Variants in SNX29 observed in about 807,000 individuals in gnomAD.
SNX29 encodes sorting nexin-29.
SNX29 carries 78 observed loss-of-function variants against 102.1 expected under a neutral mutation model. The observed-to-expected ratio is 0.76, with a 90% confidence interval of 0.64 to 0.92. The LOEUF (loss-of-function observed/expected upper bound fraction) is 0.92, where lower values mean the gene tolerates loss of function less well. SNX29 is among the 40% of genes least tolerant of loss of function. SNX29 has a pLI of 0.00. For synonymous variants in SNX29, 580 were observed against 414.5 expected, an observed-to-expected ratio of 1.40 and a Z score of -4.85; for missense variants, 1,280 against 1,061.7, an observed-to-expected ratio of 1.21 and a Z score of -2.86.
chr16:12,516,923 G>T (rs2089891888), intron 19 of SNX29, among the ~76,000 whole-genome samples: 2 of 152,286 alleles, frequency 1.3e-5, no homozygotes, highest in Non-Finnish European at 2.9e-5. Context: ...GCATTCCATC[G>T]TTTTAAAAAT....
At chr16:12,281,148 C>T (rs1376440134) in intron 15 of SNX29, among the ~76,000 whole-genome samples, 1 of 152,186 alleles carries the variant, frequency 6.6e-6, no homozygotes, top group Non-Finnish European at 1.5e-5. Flanking sequence ...TTGTGACCTC[C>T]AACAATACTC....
At chr16:12,027,904 A>G (rs899716032) in intron 4 of SNX29, among the ~76,000 whole-genome samples, 1 of 152,222 alleles carries the variant, frequency 6.6e-6, no homozygotes, top group African/African-American at 2.4e-5. Context: ...CTAAATAATA[A>G]CTATTAATGC....
chr16:12,047,918 A>T (rs1315787902), intron 6 of SNX29, among the ~76,000 whole-genome samples: 3 of 151,894 alleles, frequency 2.0e-5, no homozygotes, highest in Admixed American at 2.0e-4. Flanking sequence ...CAGCCTTCCA[A>T]AGTGCCGGGA....
In SNX29 at chr16:12,078,910, C is replaced by T. The variant is rs1057211201; in HGVS notation, c.1397C>T (p.Thr466Ile). 1.2e-6 allele frequency: 2 copies of T among 1,601,510 alleles called. No homozygotes were observed. The highest frequency in any genetic ancestry group is 1.7e-6 in the Non-Finnish European group (2 of 1,174,166). Residue 466 changes from threonine to isoleucine, a missense_variant, in exon 11 of 21, where the codon ACA becomes ATA. By Grantham distance (89) the Thr-to-Ile change is moderately conservative. Coordinates refer to ENST00000566228, the MANE Select transcript of SNX29 (RefSeq NM_032167.5). ...TCTGCCTCAGTGCCAGAGTCCATGA[C>T]AATTAGTAAGTACTTTCGCAGCCCC... ...LPSASVPESM[T>I]ISELRQATVA...
rs566397238 is a variant in SNX29, at chr16:12,361,952, G to A, written c.1899+5673G>A. Among the ~76,000 whole-genome samples, 13 of 152,064 alleles carry A rather than the reference G, an allele frequency of 8.5e-5. No homozygotes were observed. The East Asian group carries it at 1.7e-3, about 20-fold the overall frequency. On this transcript the variant is annotated intron_variant, in intron 16 of 20. Transcript: ENST00000566228. ...ATGCCTCAGTACACCGCTTTATTGC[G>A]CCTATACATGTTAATAACGAGCACA... is the stretch of plus-strand genomic sequence containing the variant.
At chr16:12,447,571 C>T (rs1252172888) in intron 18 of SNX29, among the ~76,000 whole-genome samples, 5 of 152,210 alleles carry the variant, frequency 3.3e-5, no homozygotes, top group Non-Finnish European at 5.9e-5. Context: ...AAACCAGCAG[C>T]CTGTTCTCCT....
intron 18 of SNX29, among the ~76,000 whole-genome samples, chr16:12,433,740 C>G (rs958291990): frequency 2.6e-5 from 4 of 151,982 alleles, no homozygotes; most frequent in African/African-American, 4.8e-5. Context: ...ACAAGTATCG[C>G]TTGAACCTGG....
chr16:12,240,466 G>C (rs970212690), intron 14 of SNX29, among the ~76,000 whole-genome samples: 3 of 150,180 alleles, frequency 2.0e-5, no homozygotes, highest in Admixed American at 2.0e-4. Flanking sequence ...TTTGCTGTCA[G>C]TTTTTTAGTA....
intron 15 of SNX29, among the ~76,000 whole-genome samples, chr16:12,341,076 GTGTC>G (rs1485156734): frequency 6.6e-6 from 1 of 152,242 alleles, no homozygotes; most frequent in African/African-American, 2.4e-5. Context: ...ACCAAGAAGA[GTGTC>G]TGGCCTGTGG....
chr16:12,322,259 C>G (rs1169066897), intron 15 of SNX29, among the ~76,000 whole-genome samples: 1 of 152,102 alleles, frequency 6.6e-6, no homozygotes, highest in East Asian at 1.9e-4. Flanking sequence ...ATCCTGTGTT[C>G]CACGCTGGAG....
chr16:12,059,644 G>C (rs1031998752), intron 8 of SNX29, among the ~76,000 whole-genome samples: 1 of 152,208 alleles, frequency 6.6e-6, no homozygotes, highest in African/African-American at 2.4e-5. Flanking sequence ...ATCCCTGCCT[G>C]CGGACCAAAC....
chr16:12,540,820 G>C (rs545384382), intron 20 of SNX29, among the ~76,000 whole-genome samples: 2 of 152,134 alleles, frequency 1.3e-5, no homozygotes, highest in Admixed American at 1.3e-4. Flanking sequence ...TGAGAGAAGG[G>C]GCAAAAAGAA....
At chr16:12,063,271 G>A (rs926096139) in intron 9 of SNX29, among the ~76,000 whole-genome samples, 1 of 151,886 alleles carries the variant, frequency 6.6e-6, no homozygotes, top group Admixed American at 6.6e-5. Flanking sequence ...CATGGAGGGG[G>A]CTTTCCTGAC....
chr16:12,359,663 A>G (rs1487938769), intron 16 of SNX29, among the ~76,000 whole-genome samples: 1 of 152,212 alleles, frequency 6.6e-6, no homozygotes, highest in Non-Finnish European at 1.5e-5. Flanking sequence ...CTCAGTAATA[A>G]TCAACTCAAG....
chr16:12,533,619 C>G (rs1409712497), intron 20 of SNX29, among the ~76,000 whole-genome samples: 3 of 152,204 alleles, frequency 2.0e-5, no homozygotes, highest in Non-Finnish European at 4.4e-5. Context: ...GCTACCTGGA[C>G]TGACACCCCA....
intron 4 of SNX29, among the ~76,000 whole-genome samples, chr16:12,041,219 C>G (rs995933693): frequency 5.9e-5 from 9 of 152,148 alleles, no homozygotes; most frequent in African/African-American, 2.2e-4. Context: ...TCAAATGATT[C>G]TCCTGCCTCA....
At chr16:12,142,667 C>T (rs755405313) in intron 13 of SNX29, among the ~76,000 whole-genome samples, 11 of 151,812 alleles carry the variant, frequency 7.2e-5, no homozygotes, top group Non-Finnish European at 1.5e-4. Flanking sequence ...CGGGTTCAAG[C>T]GATTCTCCTG....
chr16:12,501,384 A>T (rs892856465), intron 19 of SNX29, among the ~76,000 whole-genome samples: 4 of 151,330 alleles, frequency 2.6e-5, no homozygotes, highest in Non-Finnish European at 4.4e-5. Context: ...AGCCTGGGTG[A>T]CAGAGTGAAA....
intron 16 of SNX29, among the ~76,000 whole-genome samples, chr16:12,388,066 A>T (rs763405186): frequency 6.6e-6 from 1 of 152,222 alleles, no homozygotes; most frequent in Non-Finnish European, 1.5e-5. Flanking sequence ...ACATGCTCGG[A>T]TTGCCAGAGC....
Sources: allele counts gnomAD v4.1 joint callset (sites outside exome capture counted in the v4.1 genomes callset), GRCh38; gene constraint gnomAD v4.1.1; transcripts MANE v1.5; gene names NCBI Gene and HGNC (gene_info 2026-07-23, HGNC 2026-07-21).